PPP4R2: variants seen among roughly 807,000 people sequenced by gnomAD.
PPP4R2 encodes protein phosphatase 4 regulatory subunit 2.
In PPP4R2, 13 loss-of-function variants were observed where a neutral mutation model predicts 47.2. That is an observed-to-expected ratio of 0.28 (90% CI 0.18 to 0.44). PPP4R2 has a LOEUF of 0.44. Among genes scored for constraint, PPP4R2 ranks in the 20% least tolerant of loss-of-function variants. The pLI, the probability that PPP4R2 is intolerant of heterozygous loss-of-function variation, is 1.00. For missense variants in PPP4R2, 421 were observed against 491.2 expected (o/e 0.86, Z 1.35); for synonymous variants, 151 against 163.3 (o/e 0.92, Z 0.57).
intron 3 of PPP4R2, among the ~76,000 whole-genome samples, chr3:73,050,989 A>G (rs1004910376): frequency 1.3e-5 from 2 of 152,106 alleles, no homozygotes; most frequent in Admixed American, 6.5e-5. Context: ...ATCTCGGCTC[A>G]CCACATCCTC....
At chr3:73,025,837 G>T (rs1702052656) in intron 2 of PPP4R2, among the ~76,000 whole-genome samples, 1 of 152,132 alleles carries the variant, frequency 6.6e-6, no homozygotes, top group Admixed American at 6.6e-5. Flanking sequence ...TAATTCAAAG[G>T]AATTAGGGAA....
chr3:73,035,940 G>A (rs1005206350), intron 2 of PPP4R2, among the ~76,000 whole-genome samples: 2 of 152,152 alleles, frequency 1.3e-5, no homozygotes, highest in Non-Finnish European at 2.9e-5. Flanking sequence ...AATATTTATT[G>A]CAGCATTATT....
chr3:73,063,889 G>A, intron 6 of PPP4R2, 114 bp from the exon 7 acceptor site: 2 of 1,164,874 alleles, frequency 1.7e-6, no homozygotes, highest in Non-Finnish European at 2.5e-6. Flanking sequence ...GGTAAGGCAT[G>A]GGCCTGAAAA....
At chr3:73,024,843 A>T (rs1702030690) in intron 2 of PPP4R2, among the ~76,000 whole-genome samples, 1 of 152,232 alleles carries the variant, frequency 6.6e-6, no homozygotes, top group South Asian at 2.1e-4. Context: ...GCCCAAAAGA[A>T]AACTAGAAAA....
intron 1 of PPP4R2, 29 bp downstream of exon 1, chr3:72,997,100 C>T: frequency 1.5e-6 from 2 of 1,339,882 alleles, no homozygotes; most frequent in East Asian, 3.1e-5. Context: ...TCTCCATTCC[C>T]CCTCACCTTC....
intron 2 of PPP4R2, 116 bp downstream of exon 2, chr3:72,998,274 TC>T (rs1701391762): frequency 1.6e-6 from 1 of 632,102 alleles, no homozygotes; most frequent in Admixed American, 3.4e-5. Flanking sequence ...ATTGTAGAAG[TC>T]CTGGTCATTT....
chr3:73,033,972 G>C (rs1187735878), intron 2 of PPP4R2, among the ~76,000 whole-genome samples: 1 of 152,146 alleles, frequency 6.6e-6, no homozygotes, highest in African/African-American at 2.4e-5. Flanking sequence ...TTAACTTTTC[G>C]AGGAACTGTA....
At chr3:73,063,965 A>T in intron 6 of PPP4R2, 38 bp from the exon 7 acceptor site, 1 of 1,547,762 alleles carries the variant, frequency 6.5e-7, no homozygotes, top group African/African-American at 1.4e-5. Context: ...ATGACTTTTT[A>T]TAAAAATAGG....
At chr3:73,046,466 C>G (rs927943297) in intron 2 of PPP4R2, among the ~76,000 whole-genome samples, 10 of 152,138 alleles carry the variant, frequency 6.6e-5, no homozygotes, top group Non-Finnish European at 1.3e-4. Context: ...TTACACTATT[C>G]AGGCAGGTAT....
intron 2 of PPP4R2, among the ~76,000 whole-genome samples, chr3:73,002,085 G>A (rs1701476101): frequency 6.6e-6 from 1 of 152,118 alleles, no homozygotes; most frequent in Non-Finnish European, 1.5e-5. Flanking sequence ...TCCCACATAT[G>A]TGAAAACGTG....
intron 2 of PPP4R2, among the ~76,000 whole-genome samples, chr3:73,038,990 C>G (rs1397466663): frequency 6.6e-6 from 1 of 152,090 alleles, no homozygotes; most frequent in African/African-American, 2.4e-5. Context: ...TTTGTCAAAA[C>G]TTTATTGTTT....
rs561847307 is a variant in PPP4R2 at position 73,028,557 on chromosome 3, C to CA, written c.117-18628dup. Reference sequence around the variant, plus strand: ...CTGGTTTCAAGCAATTCCCCTGCCTCAGCCTCCCGAGTAGCTGGGACTACA... The same window carrying CA: ...CTGGTTTCAAGCAATTCCCCTGCCTCAAGCCTCCCGAGTAGCTGGGACTACA... On this transcript the variant is annotated intron_variant, in intron 2 of 8. Coordinates refer to ENST00000356692, the MANE Select transcript of PPP4R2 (RefSeq NM_174907.4). Among the ~76,000 whole-genome samples the CA allele has an allele frequency of 6.6e-5, 10 of 152,162 alleles. No homozygotes were observed. The South Asian group carries it at 1.5e-3, about 22-fold the overall frequency.
chr3:73,061,924 A>G (rs1419300303), intron 5 of PPP4R2: 6 of 595,938 alleles, frequency 1.0e-5, no homozygotes, highest in South Asian at 2.2e-5. Flanking sequence ...AAGATACTAA[A>G]ATAATCCCAT....
chr3:73,003,206 C>T (rs1452855985), intron 2 of PPP4R2, among the ~76,000 whole-genome samples: 1 of 139,710 alleles, frequency 7.2e-6, no homozygotes, highest in Non-Finnish European at 1.6e-5. Context: ...TATTACGTAA[C>T]TTTCCCTTTT....
intron 2 of PPP4R2, among the ~76,000 whole-genome samples, chr3:73,035,777 C>T (rs959563513): frequency 6.6e-6 from 1 of 152,058 alleles, no homozygotes; most frequent in Non-Finnish European, 1.5e-5. Flanking sequence ...AGGCACACAC[C>T]ACAACGCCTG....
chr3:73,048,165 ACG>A, intron 3 of PPP4R2, among the ~76,000 whole-genome samples: 1 of 151,832 alleles, frequency 6.6e-6, no homozygotes. Context: ...GTGAGCCACC[ACG>A]CCCGGCAGTA....
chr3:73,060,190 A>G lies in PPP4R2; in HGVS notation c.382-833A>G, dbSNP rs1431990692. Among the ~76,000 whole-genome samples the G allele has an allele frequency of 3.3e-5, 5 of 152,330 alleles. No individual in the cohort carries two copies. The East Asian group carries it at 9.6e-4, about 29-fold the overall frequency. On this transcript the variant is annotated intron_variant, in intron 4 of 8. Transcript: ENST00000356692. ...CAAAAACCATTACATAGTGATTTAC[A>G]GTAGTTTTTGTGGCCATACTGGATT...
At chr3:73,048,525 AT>A (rs766204569) in intron 3 of PPP4R2, among the ~76,000 whole-genome samples, 4 of 152,160 alleles carry the variant, frequency 2.6e-5, no homozygotes, top group Non-Finnish European at 5.9e-5. Flanking sequence ...CAGTGTTGGG[AT>A]TACAGGCGTG....
rs764238159 is a variant in PPP4R2 at position 73,065,567 on chromosome 3, G to T, written c.1099G>T (p.Glu367Ter). ...GCTACATTCTGAAGGTAGTGAAAAC[G>T]AAGGCCCTGTAAGTAGTAGTTCTTC... ...DLLHSEGSENEGPVSSSSSDC... is the reference protein window; with the variant it reads ...DLLHSEGSEN The change falls in exon 9 of 9, where the codon GAA becomes TAA. Residue 367 changes from glutamate to a stop codon, truncating the protein, a stop_gained. Coordinates refer to ENST00000356692, the MANE Select transcript of PPP4R2 (RefSeq NM_174907.4). LOFTEE classifies it high-confidence loss of function. The T allele has an allele frequency of 1.2e-5, 19 of 1,613,206 alleles. No homozygotes were observed. The highest frequency in any genetic ancestry group is 4.0e-5 in the African/African-American group (3 of 74,872).
Sources: allele counts gnomAD v4.1 joint callset (sites outside exome capture counted in the v4.1 genomes callset), GRCh38; gene constraint gnomAD v4.1.1; transcripts MANE v1.5; gene names NCBI Gene and HGNC (gene_info 2026-07-23, HGNC 2026-07-21).